The following NOC3L variants were observed in gnomAD, a reference collection of about 807,000 sequenced individuals.
The protein encoded by NOC3L is NOC3 like DNA replication regulator.
In NOC3L, 85 loss-of-function variants were observed where a neutral mutation model predicts 102.5. The ratio of observed to expected loss-of-function variants is 0.83; its 90% CI spans 0.70 to 0.99. The LOEUF (loss-of-function observed/expected upper bound fraction) is 0.99, where lower values mean the gene tolerates loss of function less well. NOC3L is among the 50% of genes least tolerant of loss of function. The pLI, the probability that NOC3L is intolerant of heterozygous loss-of-function variation, is 0.00. For synonymous variants in NOC3L, 303 were observed against 309.4 expected, an observed-to-expected ratio of 0.98 and a Z score of 0.22; for missense variants, 878 against 914.9, an observed-to-expected ratio of 0.96 and a Z score of 0.52.
At chr10:94,356,498 C>T (rs577907640) in intron 5 of NOC3L, 37 bp downstream of exon 5, 3 of 1,333,214 alleles carry the variant, frequency 2.3e-6, no homozygotes, top group East Asian at 4.6e-5. Flanking sequence ...CAAAAAAATT[C>T]TCAATTAACA....
chr10:94,350,574 C>T (rs902998415), intron 8 of NOC3L, among the ~76,000 whole-genome samples: 49 of 151,620 alleles, frequency 3.2e-4, no homozygotes, highest in African/African-American at 1.1e-3. Flanking sequence ...ATTAGCCAGG[C>T]ATGGTGGGTG....
intron 11 of NOC3L, among the ~76,000 whole-genome samples, chr10:94,345,939 G>C (rs1386586937): frequency 2.0e-5 from 3 of 152,040 alleles, no homozygotes; most frequent in Admixed American, 1.3e-4. Context: ...TACCCTGCAA[G>C]GTAGGTACTA....
chr10:94,354,796 A>G (rs551289041), intron 6 of NOC3L, among the ~76,000 whole-genome samples, 167 bp downstream of exon 6: 4 of 152,248 alleles, frequency 2.6e-5, no homozygotes, highest in Non-Finnish European at 5.9e-5. Context: ...AAGTTCAGAC[A>G]TAGCATTAAG....
At chr10:94,341,594 A>G (rs1342081378) in intron 14 of NOC3L, 79 bp downstream of exon 14, 1 of 680,970 alleles carries the variant, frequency 1.5e-6, no homozygotes, top group Non-Finnish European at 2.3e-6. Context: ...TATACAAAAT[A>G]TATCTCAATA....
At chr10:94,332,504 CCTGT>C (rs2054171562), downstream of NOC3L, 1 of 75,708 alleles carries the variant, frequency 1.3e-5, no homozygotes. Flanking sequence ...TATGTGTGTG[CCTGT>C]GTGTGTGTGT....
intron 2 of NOC3L, among the ~76,000 whole-genome samples, chr10:94,358,731 A>T (rs1376823643): frequency 6.6e-6 from 1 of 152,134 alleles, no homozygotes; most frequent in African/African-American, 2.4e-5. Context: ...TCCAGCTCCC[A>T]TTCAGTTACT....
intron 14 of NOC3L, among the ~76,000 whole-genome samples, chr10:94,340,980 C>CAA (rs71485908): frequency 5.6e-4 from 38 of 67,784 alleles, no homozygotes; most frequent in Admixed American, 3.6e-3. Context: ...GACTCCCTCT[C>CAA]AAAAAAAAAA....
intron 10 of NOC3L, among the ~76,000 whole-genome samples, chr10:94,347,983 A>C (rs1478508881): frequency 6.6e-6 from 1 of 151,800 alleles, no homozygotes; most frequent in African/African-American, 2.4e-5. Context: ...GTCTTTTATC[A>C]ATTATACCCT....
chr10:94,328,737 A>C, downstream of NOC3L: 1 of 151,678 alleles, frequency 6.6e-6, no homozygotes, highest in East Asian at 1.9e-4. Flanking sequence ...ACCACAGTGC[A>C]CTCCTCTTTA....
chr10:94,322,366 A>C, the NOC3L span, among the ~76,000 whole-genome samples: 1 of 152,004 alleles, frequency 6.6e-6, no homozygotes, highest in Non-Finnish European at 1.5e-5. Context: ...TTGAAAAAAA[A>C]AACAACCAAC....
At chr10:94,342,553 T>TACACACACACAC (rs3052367) in intron 13 of NOC3L, among the ~76,000 whole-genome samples, 11 of 148,078 alleles carry the variant, frequency 7.4e-5, no homozygotes, top group East Asian at 4.0e-4. Context: ...TGCATGAAGA[T>TACACACACACAC]ACACACACAC....
intron 10 of NOC3L, among the ~76,000 whole-genome samples, chr10:94,348,217 T>G (rs1007662575): frequency 1.3e-5 from 2 of 150,538 alleles, no homozygotes; most frequent in African/African-American, 2.4e-5. Context: ...ATACCACACA[T>G]ACAAAGATGT....
At chr10:94,335,650 T>A (rs1244686283) in intron 19 of NOC3L, among the ~76,000 whole-genome samples, 1 of 152,146 alleles carries the variant, frequency 6.6e-6, no homozygotes, top group African/African-American at 2.4e-5. Context: ...CAAGCCAATG[T>A]CACCAAACCT....
Position 94,361,713 on chromosome 10 carries a change from C to G in NOC3L, c.169G>C (p.Val57Leu). 3 of 1,609,394 alleles carry G rather than the reference C, an allele frequency of 1.9e-6. No homozygotes were observed. Among genetic ancestry groups the G allele is most frequent in the Non-Finnish European group, 2.5e-6 (3 of 1,177,572 alleles). The change falls in exon 2 of 21, where the codon GTG becomes CTG. Residue 57 changes from valine to leucine, a missense_variant. Coordinates refer to ENST00000371361, the MANE Select transcript of NOC3L (RefSeq NM_022451.11). ...TCCAATGGAATGGGTTTCTTAGACA[C>G]AGCATCTTTCACAGCTTGCCTTAGT... ...RKLRQAVKDA[V>L]SKKPIPLENP...
Position 94,340,510 on chromosome 10 carries a change from A to AAAG in NOC3L, c.1645-15_1645-14insCTT. 2 of 716,418 alleles carry AAAG rather than the reference A, an allele frequency of 2.8e-6. No homozygotes were observed. Among genetic ancestry groups the AAAG allele is most frequent in the African/African-American group, 2.0e-5 (1 of 48,852 alleles). The allele number at this position is 716,418 out of a possible 1,614,324, so 44.4% of individuals were successfully genotyped here. A position where few individuals can be genotyped will look rare whatever the true frequency, so the allele number is the denominator to read the frequency against. On this transcript the variant is annotated splice_polypyrimidine_tract_variant and intron_variant, in intron 14 of 20. Coordinates refer to ENST00000371361, the MANE Select transcript of NOC3L (RefSeq NM_022451.11). ...ATAGCTTAGGTCCTTTAAAAAAAAAAGGGGGGGGTGAGGGGGATGGAATAT... is the reference window on the plus strand; with the variant it reads ...ATAGCTTAGGTCCTTTAAAAAAAAAAAAGGGGGGGGGTGAGGGGGATGGAATAT...
In NOC3L at chr10:94,352,962, C is replaced by T. The variant is rs750900638; in HGVS notation, c.792G>A (p.Glu264=). ...ATGAAGGAGTAATATCTTTAAATAA[C>T]TCCATCAGAGAAACAATTACCAGCT... is the stretch of plus-strand genomic sequence containing the variant. ...VRKLVIVSLM[E]LFKDITPSYK... Residue 264 remains glutamate, a synonymous_variant, in exon 7 of 21, where the codon GAG becomes GAA. Coordinates refer to ENST00000371361, the MANE Select transcript of NOC3L (RefSeq NM_022451.11). The T allele has an allele frequency of 6.2e-7, 1 of 1,613,814 alleles. No homozygotes were observed.
Position 94,337,873 on chromosome 10 carries a change from C to G in NOC3L, c.2093G>C (p.Arg698Thr), listed in dbSNP as rs202076103. Residue 698 changes from arginine to threonine, a missense_variant and splice_region_variant, in exon 19 of 21, where the codon AGG (arginine) becomes ACG (threonine). Physicochemically the swap from Arg to Thr is moderately conservative, Grantham distance 71. Coordinates refer to ENST00000371361, the MANE Select transcript of NOC3L (RefSeq NM_022451.11). ...TCTCTGCACTATGGGATGATAATGC[C>G]TCTGAAGGGAAAACGGGACAATCAC... ...TALWELHALR[R>T]HYHPIVQRFA... is the part of the protein sequence containing the mutation. The G allele has an allele frequency of 1.2e-6, 2 of 1,610,136 alleles. No individual in the cohort carries two copies. The highest frequency in any genetic ancestry group is 1.7e-6 in the Non-Finnish European group (2 of 1,176,476).
chr10:94,351,312 A>G (rs1192942348), intron 8 of NOC3L, among the ~76,000 whole-genome samples: 2 of 151,188 alleles, frequency 1.3e-5, no homozygotes, highest in African/African-American at 4.9e-5. Flanking sequence ...TCCAGCTGAC[A>G]GCAATGGGTG....
In NOC3L at chr10:94,333,900, C is replaced by G; in HGVS notation, c.*277G>C. 4.6e-6 allele frequency: 1 copy of G among 215,116 alleles called. No homozygotes were observed. Among genetic ancestry groups the G allele is most frequent in the Non-Finnish European group, 9.0e-6 (1 of 110,626 alleles). The allele number at this position is 215,116 out of a possible 1,614,324, so 13.3% of individuals were successfully genotyped here. The stretch of plus-strand genomic sequence containing the variant: ...CCAGTCCAAAGATTTTTTTAAAAAA[C>G]TATAATGTACGTGAAGCTTTTAAAA... On this transcript the variant is annotated 3_prime_UTR_variant, in exon 21 of 21. Transcript: ENST00000371361.
Sources: allele counts gnomAD v4.1 joint callset (sites outside exome capture counted in the v4.1 genomes callset), GRCh38; gene constraint gnomAD v4.1.1; transcripts MANE v1.5; gene names NCBI Gene and HGNC (gene_info 2026-07-23, HGNC 2026-07-21).